NEXMIF: variants seen among roughly 807,000 people sequenced by gnomAD.
The protein encoded by NEXMIF is XLMR protein related to neurite extension.
Under a neutral mutation model 62.1 loss-of-function variants are expected in NEXMIF, and 8 were observed. The ratio of observed to expected loss-of-function variants is 0.13; its 90% CI spans 0.08 to 0.23. The LOEUF is 0.23. Among genes scored for constraint, NEXMIF ranks in the 10% least tolerant of loss-of-function variants. The pLI is 1.00. For missense variants in NEXMIF, 976 were observed against 1,113.3 expected (o/e 0.88, Z 1.75); for synonymous variants, 404 against 416.6 (o/e 0.97, Z 0.37).
chrX:74,827,024 A>G (rs919572849), intron 1 of NEXMIF, among the ~76,000 whole-genome samples: 1 of 111,958 alleles, frequency 8.9e-6, no homozygotes, highest in African/African-American at 3.2e-5. Flanking sequence ...CTTTGCCACT[A>G]CAGACTATAG....
intron 1 of NEXMIF, among the ~76,000 whole-genome samples, chrX:74,872,203 C>T (rs886907533): frequency 5.4e-5 from 6 of 110,959 alleles, no homozygotes; most frequent in Non-Finnish European, 9.4e-5. Context: ...CTTCCCGCAA[C>T]AAAAATGTGT....
chrX:74,803,536 C>T (rs918023922), intron 1 of NEXMIF, among the ~76,000 whole-genome samples: 1 of 110,142 alleles, frequency 9.1e-6, no homozygotes, highest in Non-Finnish European at 1.9e-5. Flanking sequence ...CCACTGCACT[C>T]CAGCCTGGGC....
At chrX:74,752,357 T>C (rs1244281535) in intron 1 of NEXMIF, among the ~76,000 whole-genome samples, 1 of 110,745 alleles carries the variant, frequency 9.0e-6, no homozygotes, top group African/African-American at 3.3e-5. Flanking sequence ...CCTTCATTTT[T>C]GGCAGCCACC....
At chrX:74,774,415 A>G (rs940971680) in intron 1 of NEXMIF, among the ~76,000 whole-genome samples, 13 of 111,910 alleles carry the variant, frequency 1.2e-4, no homozygotes, top group African/African-American at 4.2e-4. Context: ...CAGATGAGAG[A>G]AATAATGAAT....
chrX:74,845,085 T>C (rs1266161086), intron 1 of NEXMIF, among the ~76,000 whole-genome samples: 1 of 111,926 alleles, frequency 8.9e-6, no homozygotes, highest in Non-Finnish European at 1.9e-5. Context: ...TCTTAACTAT[T>C]AGGTGCTCCT....
intron 1 of NEXMIF, among the ~76,000 whole-genome samples, chrX:74,764,739 T>G (rs2080189505): frequency 9.0e-6 from 1 of 110,909 alleles, no homozygotes; most frequent in Non-Finnish European, 1.9e-5. Context: ...TTTCTGTGAG[T>G]TTTTTTTTAG....
intron 1 of NEXMIF, among the ~76,000 whole-genome samples, chrX:74,837,631 C>A (rs1054129151): frequency 1.8e-5 from 2 of 112,103 alleles, no homozygotes; most frequent in Admixed American, 1.9e-4. Context: ...CCTACCATTT[C>A]TGCATTTTTT....
chrX:74,888,320 A>G (rs1045552807), intron 1 of NEXMIF, among the ~76,000 whole-genome samples: 2 of 109,888 alleles, frequency 1.8e-5, no homozygotes, highest in Non-Finnish European at 3.8e-5. Flanking sequence ...CAAAAAAAAA[A>G]AGAAAATGTG....
At chrX:74,878,366 G>A (rs1490094622) in intron 1 of NEXMIF, among the ~76,000 whole-genome samples, 3 of 112,163 alleles carry the variant, frequency 2.7e-5, no homozygotes, top group Non-Finnish European at 5.6e-5. Flanking sequence ...CCAGCTGCGT[G>A]CTGGGAGAAC....
intron 1 of NEXMIF, among the ~76,000 whole-genome samples, chrX:74,922,856 T>C (rs967481887): frequency 2.7e-5 from 3 of 111,902 alleles, no homozygotes; most frequent in African/African-American, 9.7e-5. Flanking sequence ...GAAAAAAGCA[T>C]GTGTTTTTGT....
At chrX:74,746,945 C>G (rs2080127741) in intron 1 of NEXMIF, among the ~76,000 whole-genome samples, 1 of 112,438 alleles carries the variant, frequency 8.9e-6, no homozygotes, top group South Asian at 3.7e-4. Context: ...CAGAAAAGGG[C>G]TGGAGAGTTT....
chrX:74,751,623 C>CCCTTCCTT (rs781068385), intron 1 of NEXMIF, among the ~76,000 whole-genome samples: 2,634 of 87,278 alleles, frequency 0.03, 106 homozygotes, highest in African/African-American at 0.075. Flanking sequence ...TACCATCACG[C>CCCTTCCTT]CCTTCCTTCC....
At chrX:74,764,044 C>A (rs2080186740) in intron 1 of NEXMIF, among the ~76,000 whole-genome samples, 1 of 111,314 alleles carries the variant, frequency 9.0e-6, no homozygotes, top group Non-Finnish European at 1.9e-5. Context: ...CTGTCTTGTG[C>A]CCGTTTTCAA....
At chrX:74,805,394 T>C (rs370624877) in intron 1 of NEXMIF, among the ~76,000 whole-genome samples, 4 of 112,222 alleles carry the variant, frequency 3.6e-5, no homozygotes, top group Non-Finnish European at 5.6e-5. Context: ...AAGTTCCTTA[T>C]AGATTCTGAA....
intron 1 of NEXMIF, among the ~76,000 whole-genome samples, chrX:74,763,550 C>T (rs5981690): frequency 0.18 from 20,174 of 111,011 alleles, 2,538 homozygotes; most frequent in East Asian, 0.91. Context: ...CTATAAATTA[C>T]CTTGGGCAGT....
chrX:74,764,112 G>A (rs1394435992), intron 1 of NEXMIF, among the ~76,000 whole-genome samples: 13 of 111,530 alleles, frequency 1.2e-4, no homozygotes, highest in Middle Eastern at 4.2e-3. Flanking sequence ...GTTTGTCATA[G>A]ATAGCTCTTA....
At chrX:74,856,798 C>G (rs2080536627) in intron 1 of NEXMIF, among the ~76,000 whole-genome samples, 1 of 111,897 alleles carries the variant, frequency 8.9e-6, no homozygotes, top group East Asian at 2.8e-4. Context: ...TGACATGACC[C>G]CTCCCCCATT....
rs764641573 is a variant in NEXMIF at position 74,889,452 on chromosome X, T to C, written c.-48+35431A>G. ...GTTTCGCAAACCTTAGAAAACTTTTTATTTATTTACTTATTTATTTTAATC... is the reference window on the plus strand; with the variant it reads ...GTTTCGCAAACCTTAGAAAACTTTTCATTTATTTACTTATTTATTTTAATC... On this transcript the variant is annotated intron_variant, in intron 1 of 3. Transcript: ENST00000055682. Among the ~76,000 whole-genome samples, 8 of 112,224 alleles carry C rather than the reference T, an allele frequency of 7.1e-5. No individual in the cohort carries two copies. In the South Asian group the frequency reaches 3.0e-3, roughly 42 times the overall value.
chrX:74,918,367 TG>T (rs1000963156), intron 1 of NEXMIF, among the ~76,000 whole-genome samples: 3 of 112,081 alleles, frequency 2.7e-5, no homozygotes, highest in African/African-American at 9.7e-5. Context: ...ATCTTCAGGA[TG>T]TGTTCCAGTT....
Sources: allele counts gnomAD v4.1 joint callset (sites outside exome capture counted in the v4.1 genomes callset), GRCh38; gene constraint gnomAD v4.1.1; transcripts MANE v1.5; gene names NCBI Gene and HGNC (gene_info 2026-07-23, HGNC 2026-07-21).